Variants in DOCK9 observed in about 807,000 individuals in gnomAD.
DOCK9 encodes dedicator of cytokinesis protein 9.
In DOCK9, 89 loss-of-function variants were observed where a neutral mutation model predicts 263.3. That is an observed-to-expected ratio of 0.34 (90% confidence interval 0.28 to 0.40). DOCK9 has a LOEUF of 0.40. DOCK9 is among the 10% of genes least tolerant of loss of function. DOCK9 has a pLI of 1.00. For missense variants in DOCK9, 2,140 were observed against 2,603.4 expected, an observed-to-expected ratio of 0.82 and a Z score of 3.87; for synonymous variants, 976 against 973.1, an observed-to-expected ratio of 1.00 and a Z score of -0.06.
intron 1 of DOCK9, among the ~76,000 whole-genome samples, chr13:98,963,071 A>G (rs2058827955): frequency 1.3e-5 from 2 of 152,118 alleles, no homozygotes; most frequent in Non-Finnish European, 1.5e-5. Flanking sequence ...GACAACATGG[A>G]CACAGGTGAG....
intron 38 of DOCK9, chr13:98,845,237 C>A: frequency 1.1e-6 from 1 of 882,356 alleles, no homozygotes; most frequent in Non-Finnish European, 1.6e-6. Flanking sequence ...GTTAGAAAGC[C>A]CCAAAGTTAG....
chr13:98,907,419 AAATG>A (rs1242261753), intron 9 of DOCK9, among the ~76,000 whole-genome samples: 2 of 152,244 alleles, frequency 1.3e-5, no homozygotes, highest in African/African-American at 2.4e-5. Context: ...AGGAGATAAG[AAATG>A]AATAAAGCAA....
intron 1 of DOCK9, among the ~76,000 whole-genome samples, chr13:99,014,194 T>A (rs546438506): frequency 2.5e-4 from 38 of 152,204 alleles, no homozygotes; most frequent in Non-Finnish European, 4.8e-4. Context: ...GCTTGCCGCA[T>A]GGGAGGGGCA....
intron 33 of DOCK9, chr13:98,858,381 A>T (rs1432952795): frequency 6.6e-6 from 1 of 152,228 alleles, no homozygotes; most frequent in Admixed American, 6.5e-5. Context: ...ACTCTCAGGC[A>T]CCATGATCCA....
chr13:99,072,687 T>C (rs996099873), intron 1 of DOCK9, among the ~76,000 whole-genome samples: 2 of 152,170 alleles, frequency 1.3e-5, no homozygotes, highest in Admixed American at 1.3e-4. Flanking sequence ...CTCAGAATGT[T>C]TAACCATGCC....
intron 2 of DOCK9, among the ~76,000 whole-genome samples, chr13:98,950,993 C>A (rs2057347267): frequency 6.6e-6 from 1 of 152,214 alleles, no homozygotes; most frequent in Non-Finnish European, 1.5e-5. Context: ...TTCAGTTAAA[C>A]AGAGGCTCAT....
chr13:98,982,247 A>C (rs1015837555), upstream of DOCK9, among the ~76,000 whole-genome samples: 23 of 152,176 alleles, frequency 1.5e-4, no homozygotes, highest in African/African-American at 5.6e-4. Context: ...TCCAAGGGCA[A>C]TTTGTGACTC....
intron 45 of DOCK9, among the ~76,000 whole-genome samples, chr13:98,821,283 C>T (rs2092258624): frequency 6.6e-6 from 1 of 152,076 alleles, no homozygotes; most frequent in Non-Finnish European, 1.5e-5. Flanking sequence ...GTGAGGTGGG[C>T]AGTTACTCCT....
In DOCK9 at chr13:98,850,971, C is replaced by T. The variant is rs373626943; in HGVS notation, c.3947-858G>A. Reference sequence around the variant, plus strand: ...CTTTGGGGCCTGAGATAAGCAGAGACGGTGGCTATGGGGATGCTGATGGCT... The same window carrying T: ...CTTTGGGGCCTGAGATAAGCAGAGATGGTGGCTATGGGGATGCTGATGGCT... On this transcript the variant is annotated intron_variant, in intron 35 of 52. Coordinates refer to ENST00000682017, the MANE Select transcript of DOCK9 (RefSeq NM_001366683.2). 2.6e-4 allele frequency among the ~76,000 whole-genome samples: 40 copies of T among 152,254 alleles called. 1 individual carries two copies. The highest frequency in any genetic ancestry group is 9.6e-4 in the African/African-American group (40 of 41,556).
chr13:98,877,698 C>T (rs537915938), intron 27 of DOCK9, among the ~76,000 whole-genome samples: 1 of 152,302 alleles, frequency 6.6e-6, no homozygotes, highest in East Asian at 1.9e-4. Flanking sequence ...CTTCAGAGCA[C>T]TCGTCATGAG....
At chr13:98,958,953 TGTATCTTGGAG>T (rs1457009931) in intron 1 of DOCK9, among the ~76,000 whole-genome samples, 3 of 152,222 alleles carry the variant, frequency 2.0e-5, no homozygotes, top group African/African-American at 7.2e-5. Context: ...CCCCCCAAGG[TGTATCTTGGAG>T]GTATCTAATG....
intron 9 of DOCK9, among the ~76,000 whole-genome samples, chr13:98,909,189 T>G (rs140689440): frequency 3.9e-5 from 6 of 152,314 alleles, no homozygotes; most frequent in African/African-American, 1.4e-4. Flanking sequence ...TGGTGTTTGC[T>G]GAGAAGACAA....
intron 1 of DOCK9, among the ~76,000 whole-genome samples, chr13:98,998,140 G>A (rs994890357): frequency 5.3e-5 from 8 of 152,216 alleles, no homozygotes; most frequent in Admixed American, 5.2e-4. Context: ...AACAGCTGAG[G>A]TGGGGCCGGG....
intron 27 of DOCK9, among the ~76,000 whole-genome samples, chr13:98,873,422 G>A (rs943035187): frequency 4.4e-4 from 67 of 152,212 alleles, no homozygotes; most frequent in African/African-American, 1.6e-3. Flanking sequence ...TGACTTCCCA[G>A]TATCTGTTCT....
intron 13 of DOCK9, among the ~76,000 whole-genome samples, chr13:98,900,293 G>C (rs946766688): frequency 6.6e-6 from 1 of 152,200 alleles, no homozygotes; most frequent in Non-Finnish European, 1.5e-5. Flanking sequence ...TTCAAACCAT[G>C]CATGCGGCAG....
chr13:98,808,102 T>C (rs1377317888), intron 47 of DOCK9, among the ~76,000 whole-genome samples: 1 of 152,326 alleles, frequency 6.6e-6, no homozygotes, highest in Non-Finnish European at 1.5e-5. Context: ...GAGTCAAGCC[T>C]GTTTCACTTT....
Position 99,076,488 on chromosome 13 carries a change from A to G in DOCK9, c.129+9735T>C, listed in dbSNP as rs188368368. ...ACAGACAATCTGAACAGCTTTTCCT[A>G]AACTAAAACAAACACAGAACCAGCC... is the stretch of plus-strand genomic sequence containing the variant. On this transcript the variant is annotated intron_variant, in intron 1 of 32. Coordinates refer to the DOCK9 transcript ENST00000427887. Among the ~76,000 whole-genome samples the G allele has an allele frequency of 1.3e-3, 197 of 152,350 alleles. 2 individuals are homozygous for G. The highest frequency in any genetic ancestry group is 4.5e-3 in the African/African-American group (186 of 41,576).
rs1465050525 is a variant in DOCK9 at position 98,793,666 on chromosome 13, C to A, written c.*960G>T. The A allele has an allele frequency of 1.3e-5, 2 of 152,642 alleles. No individual in the cohort carries two copies. Among genetic ancestry groups the A allele is most frequent in the African/African-American group, 4.8e-5 (2 of 41,458 alleles). The allele number at this position is 152,642 out of a possible 1,614,324, so 9.5% of individuals were successfully genotyped here. ...CTTTAAAGTACACCACCATTCACCA[C>A]AGGATTTATGATTTACCAATTACAT... On this transcript the variant is annotated 3_prime_UTR_variant, in exon 53 of 53. Coordinates refer to ENST00000682017, the MANE Select transcript of DOCK9 (RefSeq NM_001366683.2).
At chr13:98,857,101 C>T (rs1274709740) in intron 33 of DOCK9, 1 of 152,232 alleles carries the variant, frequency 6.6e-6, no homozygotes, top group Non-Finnish European at 1.5e-5. Flanking sequence ...ACTCTTTGGA[C>T]TTGTACATTC....
Sources: allele counts gnomAD v4.1 joint callset (sites outside exome capture counted in the v4.1 genomes callset), GRCh38; gene constraint gnomAD v4.1.1; transcripts MANE v1.5; gene names NCBI Gene and HGNC (gene_info 2026-07-23, HGNC 2026-07-21).